MAGI2: variants seen among roughly 807,000 people sequenced by gnomAD.
MAGI2 encodes the protein membrane-associated guanylate kinase, WW and PDZ domain-containing protein 2.
MAGI2 carries 35 observed loss-of-function variants against 133.3 expected under a neutral mutation model. The observed-to-expected ratio is 0.26, with a 90% confidence interval of 0.20 to 0.35. The LOEUF (loss-of-function observed/expected upper bound fraction) is 0.35, where lower values mean the gene tolerates loss of function less well. Among genes scored for constraint, MAGI2 ranks in the 10% least tolerant of loss-of-function variants. The pLI is 1.00. For synonymous variants in MAGI2, 729 were observed against 710.6 expected, an observed-to-expected ratio of 1.03 and a Z score of -0.41; for missense variants, 1,636 against 1,863.4, an observed-to-expected ratio of 0.88 and a Z score of 2.25.
chr7:79,300,806 G>A (rs1837341054), intron 1 of MAGI2, among the ~76,000 whole-genome samples: 1 of 152,212 alleles, frequency 6.6e-6, no homozygotes, highest in African/African-American at 2.4e-5. Flanking sequence ...CAGGCCTGAG[G>A]CCTAGGGGAA....
chr7:78,299,043 C>G (rs941348189), intron 9 of MAGI2, among the ~76,000 whole-genome samples: 2 of 150,646 alleles, frequency 1.3e-5, no homozygotes, highest in Non-Finnish European at 3.0e-5. Context: ...TCTTGAAACT[C>G]CTGACTTCAG....
intron 3 of MAGI2, among the ~76,000 whole-genome samples, chr7:78,556,095 T>C (rs528902235): frequency 6.6e-6 from 1 of 152,228 alleles, no homozygotes; most frequent in African/African-American, 2.4e-5. Context: ...CTTACCAGTT[T>C]ATATTTTTCC....
chr7:79,118,097 G>T (rs1819563798), intron 1 of MAGI2, among the ~76,000 whole-genome samples: 1 of 152,172 alleles, frequency 6.6e-6, no homozygotes, highest in Non-Finnish European at 1.5e-5. Flanking sequence ...GTAGGACATA[G>T]CCATGAGTAC....
intron 20 of MAGI2, among the ~76,000 whole-genome samples, chr7:78,120,107 G>C (rs976763002): frequency 6.6e-6 from 1 of 152,132 alleles, no homozygotes; most frequent in Non-Finnish European, 1.5e-5. Context: ...GGATTTTTTA[G>C]AAACTTGACA....
intron 9 of MAGI2, among the ~76,000 whole-genome samples, chr7:78,271,189 T>C (rs1218919463): frequency 6.6e-6 from 1 of 152,204 alleles, no homozygotes; most frequent in African/African-American, 2.4e-5. Context: ...GGGTGTTGAA[T>C]TTTATCAAAG....
intron 2 of MAGI2, among the ~76,000 whole-genome samples, chr7:78,894,947 C>T (rs996088059): frequency 6.6e-6 from 1 of 152,126 alleles, no homozygotes; most frequent in South Asian, 2.1e-4. Context: ...AAAACATCTG[C>T]TATGGTTTGA....
At chr7:79,156,484 T>C (rs1445599498) in intron 1 of MAGI2, among the ~76,000 whole-genome samples, 4 of 152,162 alleles carry the variant, frequency 2.6e-5, no homozygotes, top group African/African-American at 9.7e-5. Flanking sequence ...CAATAGAACC[T>C]TGGTCTCCAC....
intron 2 of MAGI2, among the ~76,000 whole-genome samples, chr7:78,670,007 G>T (rs1040277517): frequency 4.0e-5 from 6 of 151,650 alleles, no homozygotes; most frequent in South Asian, 2.1e-4. Context: ...TTTGAAAACT[G>T]GCAAAAGACA....
intron 2 of MAGI2, among the ~76,000 whole-genome samples, chr7:78,861,809 A>G (rs1794175724): frequency 6.6e-6 from 1 of 152,220 alleles, no homozygotes; most frequent in Non-Finnish European, 1.5e-5. Context: ...GTTCTTAATG[A>G]TTAAATAGCA....
At chr7:79,274,104 A>C (rs2129557427) in intron 1 of MAGI2, among the ~76,000 whole-genome samples, 1 of 152,200 alleles carries the variant, frequency 6.6e-6, no homozygotes, top group Non-Finnish European at 1.5e-5. Context: ...CTCAAATTTG[A>C]GTGTCAGTCA....
chr7:78,157,871 A>C (rs1167491764), intron 16 of MAGI2, among the ~76,000 whole-genome samples: 3 of 152,156 alleles, frequency 2.0e-5, no homozygotes. Context: ...TCAGCTTTTC[A>C]TGAAGAAAAA....
intron 14 of MAGI2, among the ~76,000 whole-genome samples, chr7:78,169,157 A>G (rs899522229): frequency 3.9e-5 from 6 of 152,252 alleles, no homozygotes; most frequent in African/African-American, 1.4e-4. Flanking sequence ...AGAGGCACTC[A>G]GTTTAGTGTG....
intron 1 of MAGI2, among the ~76,000 whole-genome samples, chr7:79,447,911 C>G (rs1848975116): frequency 6.6e-6 from 1 of 151,776 alleles, no homozygotes; most frequent in East Asian, 1.9e-4. Flanking sequence ...TATTGTTATT[C>G]TTTATGAGGT....
chr7:78,452,242 C>T (rs1253254099), intron 6 of MAGI2, among the ~76,000 whole-genome samples: 1 of 151,886 alleles, frequency 6.6e-6, no homozygotes, highest in Admixed American at 6.6e-5. Flanking sequence ...AATTAAGTAG[C>T]AGAATCAGTA....
chr7:79,014,370 C>A (rs553442255), intron 1 of MAGI2, among the ~76,000 whole-genome samples: 37 of 152,120 alleles, frequency 2.4e-4, no homozygotes, highest in Non-Finnish European at 4.9e-4. Flanking sequence ...ATAGTAGGTA[C>A]CTGAAATTTT....
At chr7:79,294,721 CTTTT>C (rs1161010284) in intron 1 of MAGI2, among the ~76,000 whole-genome samples, 2 of 83,166 alleles carry the variant, frequency 2.4e-5, no homozygotes, top group African/African-American at 4.6e-5. Flanking sequence ...ATTTTGGTAG[CTTTT>C]TTTTTTTTTT....
Position 78,724,596 on chromosome 7 carries a change from T to C in MAGI2, c.419-97357A>G, listed in dbSNP as rs192642363. On this transcript the variant is annotated intron_variant, in intron 2 of 21. Coordinates refer to ENST00000354212, the MANE Select transcript of MAGI2 (RefSeq NM_012301.4). ...AGTTCTCTATTCTGGCCCTTAGTTC[T>C]ATTGCTCCTGTTGAGGAGGAAGGAG... Among the ~76,000 whole-genome samples the C allele has an allele frequency of 2.1e-3, 314 of 152,302 alleles. 1 individual carries two copies. Among genetic ancestry groups the C allele is most frequent in the African/African-American group, 7.1e-3 (296 of 41,574 alleles).
At chr7:78,262,034 T>C (rs1793564856) in intron 9 of MAGI2, among the ~76,000 whole-genome samples, 2 of 152,274 alleles carry the variant, frequency 1.3e-5, no homozygotes, top group South Asian at 2.1e-4. Flanking sequence ...TCCCTTAAAA[T>C]AATTTGAAGC....
chr7:78,499,537 C>T (rs1794430456), intron 5 of MAGI2, among the ~76,000 whole-genome samples: 1 of 152,198 alleles, frequency 6.6e-6, no homozygotes, highest in Admixed American at 6.5e-5. Flanking sequence ...GAGCCAGCCT[C>T]ACTACTTACT....
Sources: allele counts gnomAD v4.1 joint callset (sites outside exome capture counted in the v4.1 genomes callset), GRCh38; gene constraint gnomAD v4.1.1; transcripts MANE v1.5; gene names NCBI Gene and HGNC (gene_info 2026-07-23, HGNC 2026-07-21).